The following NDRG1 variants were observed in gnomAD, a reference collection of about 807,000 sequenced individuals.
The protein encoded by NDRG1 is N-myc downstream regulated 1.
Under a neutral mutation model 56.9 loss-of-function variants are expected in NDRG1, and 32 were observed. That is an observed-to-expected ratio of 0.56 (90% CI 0.42 to 0.76). The LOEUF (loss-of-function observed/expected upper bound fraction) is 0.76. Among genes scored for constraint, NDRG1 ranks in the 30% least tolerant of loss-of-function variants. The probability of loss-of-function intolerance (pLI) is 0.00; values close to 1 mark genes in which losing one functional copy is unlikely to be tolerated. For synonymous variants in NDRG1, 211 were observed against 204.1 expected, an observed-to-expected ratio of 1.03 and a Z score of -0.29; for missense variants, 507 against 545.7, an observed-to-expected ratio of 0.93 and a Z score of 0.71.
chr8:133,257,039 A>ACGGTAT (rs545675937), intron 7 of NDRG1, among the ~76,000 whole-genome samples, 176 bp from the exon 8 acceptor site: 19 of 152,308 alleles, frequency 1.2e-4, no homozygotes, highest in African/African-American at 4.3e-4. Context: ...CACAGCAGAC[A>ACGGTAT]CGGTATCGGG....
Position 133,288,711 on chromosome 8 carries a change from C to T in NDRG1, c.-18-4382G>A, listed in dbSNP as rs557813791. On this transcript the variant is annotated intron_variant, in intron 1 of 15. Transcript: ENST00000323851. Reference sequence around the variant, plus strand: ...CAAGGCAGGGCCACACACAGCATGGCGGGGGAACCAGGGCTGACTCCTAGC... The same window carrying T: ...CAAGGCAGGGCCACACACAGCATGGTGGGGGAACCAGGGCTGACTCCTAGC... Among the ~76,000 whole-genome samples the T allele has an allele frequency of 2.0e-5, 3 of 152,310 alleles. No individual in the cohort carries two copies. In the South Asian group the frequency reaches 6.2e-4, roughly 32 times the overall value.
rs1353552339 is a variant in NDRG1 at position 133,264,559 on chromosome 8, T to A, written c.193A>T (p.Ile65Phe). ...NRPVILTYHD[I>F]GMNHKTCYNP... is the part of the protein sequence containing the mutation. The stretch of plus-strand genomic sequence containing the variant: ...CCTCAGAACTTACGGTTCATGCCGA[T>A]GTCATGGTAGGTGAGGATGACAGGC... Residue 65 changes from isoleucine to phenylalanine, a missense_variant, in exon 4 of 16, where the codon ATC (isoleucine) becomes TTC (phenylalanine). By Grantham distance (21) the Ile-to-Phe change is conservative (BLOSUM62 0). Transcript: ENST00000323851. The A allele has an allele frequency of 6.2e-7, 1 of 1,614,054 alleles. No homozygotes were observed. Among genetic ancestry groups the A allele is most frequent in the Non-Finnish European group, 8.5e-7 (1 of 1,179,990 alleles).
At chr8:133,246,790 T>A in intron 12 of NDRG1, 127 bp from the exon 13 acceptor site, 1 of 898,314 alleles carries the variant, frequency 1.1e-6, no homozygotes, top group South Asian at 1.4e-5. Context: ...GAAGAAAGTA[T>A]GTGGAGTTAT....
intron 13 of NDRG1, 119 bp from the exon 14 acceptor site, chr8:133,244,509 T>A: frequency 8.4e-7 from 1 of 1,193,372 alleles, no homozygotes; most frequent in Non-Finnish European, 1.2e-6. Flanking sequence ...TGTCCTGCCT[T>A]ACAAAGGAGG....
chr8:133,291,985 C>T (rs1246148498), intron 1 of NDRG1, among the ~76,000 whole-genome samples: 1 of 152,082 alleles, frequency 6.6e-6, no homozygotes, highest in Non-Finnish European at 1.5e-5. Flanking sequence ...CTCGTCAGGG[C>T]CCACCTCTTT....
At position 133,262,139 on chromosome 8, in the gene NDRG1, G is replaced by T; in HGVS notation, c.234C>A (p.Asn78Lys). The change falls in exon 5 of 16, where the codon AAC becomes AAA. Residue 78 changes from asparagine (N) to lysine (K), a missense_variant. Coordinates refer to ENST00000323851, the MANE Select transcript of NDRG1 (RefSeq NM_006096.4). Reference sequence around the variant, plus strand: ...GGGTGATCTCCTGCATGTCCTCGTAGTTGAAGAGGGGGTTGTAGCAGGTTT... The same window carrying T: ...GGGTGATCTCCTGCATGTCCTCGTATTTGAAGAGGGGGTTGTAGCAGGTTT... ...NHKTCYNPLF[N>K]YEDMQEITQH... is the part of the protein sequence containing the mutation. 6.2e-7 allele frequency: 1 copy of T among 1,614,172 alleles called. No homozygotes were observed. The highest frequency in any genetic ancestry group is 1.3e-5 in the African/African-American group (1 of 75,032).
chr8:133,242,410 A>G (rs1855436498), intron 14 of NDRG1, among the ~76,000 whole-genome samples: 2 of 152,224 alleles, frequency 1.3e-5, no homozygotes. Context: ...ACATAACTGC[A>G]TCGGCATCAT....
At chr8:133,295,054 T>G (rs1858669185) in intron 1 of NDRG1, among the ~76,000 whole-genome samples, 1 of 152,216 alleles carries the variant, frequency 6.6e-6, no homozygotes, top group Non-Finnish European at 1.5e-5. Context: ...GTGAGTTTTT[T>G]ATTCCATTCC....
chr8:133,288,954 G>A (rs535911100), intron 1 of NDRG1, among the ~76,000 whole-genome samples: 53 of 152,348 alleles, frequency 3.5e-4, no homozygotes, highest in South Asian at 6.2e-4. Context: ...GAGGAATTCC[G>A]AGAAGACCAA....
intron 3 of NDRG1, chr8:133,265,057 TACACAGAATTC>T (rs1856849475): frequency 7.1e-6 from 2 of 283,048 alleles, no homozygotes; most frequent in Admixed American, 8.7e-5. Context: ...GGCTTGGGGC[TACACAGAATTC>T]ACTCCCCACT....
Position 133,284,397 on chromosome 8 carries a change from A to G in NDRG1, c.-18-68T>C, listed in dbSNP as rs946322344. On this transcript the variant is annotated intron_variant, in intron 1 of 15. Coordinates refer to ENST00000323851, the MANE Select transcript of NDRG1 (RefSeq NM_006096.4). ...GAGGTTTCCTAAAGGAAGCAAATCCAAGACCAATGGCAAGAAGGCCAGGCC... is the reference window on the plus strand; with the variant it reads ...GAGGTTTCCTAAAGGAAGCAAATCCGAGACCAATGGCAAGAAGGCCAGGCC... 3.4e-6 allele frequency: 5 copies of G among 1,461,788 alleles called. No individual in the cohort carries two copies. The Admixed American group carries it at 6.8e-5, about 20-fold the overall frequency. The allele number at this position is 1,461,788 out of a possible 1,614,324, so 90.6% of individuals were successfully genotyped here.
At chr8:133,293,494 T>G (rs1412895088) in intron 1 of NDRG1, among the ~76,000 whole-genome samples, 2 of 152,194 alleles carry the variant, frequency 1.3e-5, no homozygotes, top group African/African-American at 4.8e-5. Context: ...GCCTCAATTT[T>G]CTGACCTGAG....
intron 9 of NDRG1, among the ~76,000 whole-genome samples, chr8:133,253,451 G>A (rs1202359627): frequency 1.3e-5 from 2 of 152,212 alleles, no homozygotes; most frequent in Non-Finnish European, 2.9e-5. Flanking sequence ...AACTGGGAAT[G>A]AGAACAGAAT....
intron 5 of NDRG1, 64 bp downstream of exon 5, chr8:133,261,983 C>CAA: frequency 6.5e-7 from 1 of 1,529,554 alleles, no homozygotes; most frequent in Non-Finnish European, 8.8e-7. Flanking sequence ...GAGCAAAGCA[C>CAA]CTGAACCCCT....
chr8:133,280,911 T>A (rs1857760486), intron 2 of NDRG1: 1 of 152,636 alleles, frequency 6.6e-6, no homozygotes, highest in South Asian at 2.1e-4. Context: ...GCTCCACCCA[T>A]GTGCTATACT....
Position 133,276,245 on chromosome 8 carries a change from C to T in NDRG1, c.99+3987G>A, listed in dbSNP as rs1006512546. On this transcript the variant is annotated intron_variant, in intron 3 of 15. Coordinates refer to ENST00000323851, the MANE Select transcript of NDRG1 (RefSeq NM_006096.4). ...CCTGAGCCACATAGGTTGACCTTCC[C>T]TGGGAGTAGGTCAGTTGCCTGTGTC... Among the ~76,000 whole-genome samples, 6 of 152,200 alleles carry T rather than the reference C, an allele frequency of 3.9e-5. No homozygotes were observed. In the East Asian group the frequency reaches 1.2e-3, roughly 29 times the overall value.
rs770548372 is a variant in NDRG1, at chr8:133,237,880, CACA to C, written c.*995_*997del. The C allele has an allele frequency of 1.6e-4, 38 of 233,128 alleles. 1 individual carries two copies. The highest frequency in any genetic ancestry group is 6.6e-4 in the African/African-American group (30 of 45,438). 14.4% of individuals were successfully genotyped at this position (233,128 alleles called of 1,614,324 possible). ...AAATCACAACTGCACTGGATCTCAA[CACA>C]ACAACAAGGAATCCCTTACATCGAG... On this transcript the variant is annotated 3_prime_UTR_variant, in exon 16 of 16. Transcript: ENST00000323851.
At chr8:133,260,450 T>C (rs1055781913) in intron 5 of NDRG1, among the ~76,000 whole-genome samples, 4 of 152,070 alleles carry the variant, frequency 2.6e-5, no homozygotes, top group Non-Finnish European at 4.4e-5. Flanking sequence ...GAAAACCACA[T>C]AGTAAACTAG....
intron 15 of NDRG1, chr8:133,241,761 C>A: frequency 1.7e-6 from 1 of 574,696 alleles, no homozygotes; most frequent in Non-Finnish European, 3.1e-6. Context: ...CTTAAAGGGA[C>A]AGTCCTCATC....
Sources: gnomAD v4.1 joint callset for allele counts (sites outside exome capture counted in the v4.1 genomes callset) on GRCh38, gnomAD v4.1.1 for gene constraint, MANE v1.5 for transcripts, NCBI Gene and HGNC (gene_info 2026-07-23, HGNC 2026-07-21) for gene names.